The following BCL11A variants were observed in gnomAD, a reference collection of about 807,000 sequenced individuals.
BCL11A encodes the protein BCL11 transcription factor A, also known as B cell CLL/lymphoma 11A.
In BCL11A, 2 loss-of-function variants were observed where a neutral mutation model predicts 55.9. The observed-to-expected ratio is 0.04, with a 90% CI of 0.01 to 0.11. The LOEUF (loss-of-function observed/expected upper bound fraction) is 0.11, where lower values mean the gene tolerates loss of function less well. Ranked by LOEUF, BCL11A falls within the 10% of genes least tolerant of loss-of-function variation. The pLI, the probability that BCL11A is intolerant of heterozygous loss-of-function variation, is 1.00. For synonymous variants in BCL11A, 465 were observed against 473.4 expected, an observed-to-expected ratio of 0.98 and a Z score of 0.23; for missense variants, 817 against 1,137.1, an observed-to-expected ratio of 0.72 and a Z score of 4.05.
intron 1 of BCL11A, among the ~76,000 whole-genome samples, chr2:60,551,252 G>T (rs1264684886): frequency 6.6e-6 from 1 of 152,216 alleles, no homozygotes; most frequent in African/African-American, 2.4e-5. Context: ...CTTTCCAGGC[G>T]CAGTCAGCGG....
At chr2:60,451,697 A>G (rs141666757) in exon 5 of BCL11A, 1 of 230,632 alleles carries the variant, frequency 4.3e-6, no homozygotes, top group African/African-American at 2.2e-5. Flanking sequence ...AACTACTGAC[A>G]TTTATCACCT....
intron 2 of BCL11A, chr2:60,483,891 G>T (rs1358735381): frequency 1.1e-4 from 9 of 83,236 alleles, no homozygotes; most frequent in Non-Finnish European, 2.3e-4. Context: ...TTTCTTGGTT[G>T]CTTTTTTTTC....
At chr2:60,552,687 A>C (rs987760349) in intron 1 of BCL11A, among the ~76,000 whole-genome samples, 1 of 151,986 alleles carries the variant, frequency 6.6e-6, no homozygotes, top group African/African-American at 2.4e-5. Context: ...CTTGACCGTG[A>C]GCGCGCTGGT....
intron 2 of BCL11A, chr2:60,534,770 G>A (rs1573075237): frequency 2.6e-5 from 4 of 152,240 alleles, no homozygotes; most frequent in Admixed American, 2.0e-4. Context: ...GAGGAGGAGA[G>A]CCACTGAGGC....
At chr2:60,551,618 C>A (rs1376047771) in intron 1 of BCL11A, among the ~76,000 whole-genome samples, 1 of 152,202 alleles carries the variant, frequency 6.6e-6, no homozygotes, top group Non-Finnish European at 1.5e-5. Context: ...AGTTGCCCTG[C>A]AAAATAAAAA....
At chr2:60,452,332 C>A, downstream of BCL11A, 2 of 423,394 alleles carry the variant, frequency 4.7e-6, no homozygotes, top group East Asian at 3.8e-5. Flanking sequence ...CACGGGCCCT[C>A]TCTATGGGAC....
rs1676109147 is a variant in BCL11A at position 60,459,400 on chromosome 2, A to G, written c.*1004T>C. ...TTAATCATTGTTTAAAAAAAATAAA[A>G]CTTTGGGCAAAACAGCCCATTTCTT... On this transcript the variant is annotated 3_prime_UTR_variant, in exon 4 of 4. Coordinates refer to ENST00000642384, the MANE Select transcript of BCL11A (RefSeq NM_022893.4). 4 of 1,021,098 alleles carry G rather than the reference A, an allele frequency of 3.9e-6. No homozygotes were observed. The highest frequency in any genetic ancestry group is 4.7e-6 in the Non-Finnish European group (4 of 850,690). 63.3% of individuals were successfully genotyped at this position (1,021,098 alleles called of 1,614,324 possible).
intron 1 of BCL11A, among the ~76,000 whole-genome samples, chr2:60,548,663 T>C (rs574519254): frequency 6.6e-6 from 1 of 152,368 alleles, no homozygotes; most frequent in South Asian, 2.1e-4. Context: ...CGTAAATTAT[T>C]GCTAATTAAC....
chr2:60,541,933 AGAATCAGAATG>A (rs759583604), intron 2 of BCL11A: 18 of 702,922 alleles, frequency 2.6e-5, no homozygotes, highest in Non-Finnish European at 1.1e-5. Flanking sequence ...GAGCTAGGAG[AGAATCAGAATG>A]GATACAAAAA....
rs1670146501 is a variant in BCL11A, at chr2:60,546,228, T to C, written c.128A>G (p.His43Arg). ...HGPLGAPEGD[H>R]DLLTCGQCQM... The stretch of plus-strand genomic sequence containing the variant: ...GCACTGCCCACAGGTGAGGAGGTCA[T>C]GATCCCCTTCTGGAGCTCCCAACGG... The change falls in exon 2 of 4, where the codon CAT (histidine) becomes CGT (arginine). Residue 43 changes from histidine to arginine, a missense_variant. This residue lies in a region of BCL11A where 363 missense variants were observed against 486.6 expected (regional missense o/e 0.75). Transcript: ENST00000642384. The surrounding 1 kb of genome is among the most constrained non-coding windows in gnomAD (Gnocchi z 4.1). The C allele has an allele frequency of 6.2e-7, 1 of 1,614,122 alleles. No individual in the cohort carries two copies. The highest frequency in any genetic ancestry group is 1.7e-5 in the Admixed American group (1 of 60,008).
chr2:60,530,894 T>C (rs1381332845), intron 2 of BCL11A, among the ~76,000 whole-genome samples: 1 of 152,176 alleles, frequency 6.6e-6, no homozygotes, highest in Non-Finnish European at 1.5e-5. Flanking sequence ...ACATCGATTA[T>C]GTCTGCGCTT....
rs1677140141 is a variant in BCL11A at position 60,470,536 on chromosome 2, T to C, written c.386-1703A>G. On this transcript the variant is annotated intron_variant, in intron 2 of 3. Coordinates refer to ENST00000642384, the MANE Select transcript of BCL11A (RefSeq NM_022893.4). ...AGCATAAACGCAACAGGTACTTGGA[T>C]CCTTGTATGGGGAGTATCAAATTTC... is the stretch of plus-strand genomic sequence containing the variant. 2.0e-5 allele frequency among the ~76,000 whole-genome samples: 3 copies of C among 152,180 alleles called. No individual in the cohort carries two copies. The South Asian group carries it at 6.2e-4, about 32-fold the overall frequency.
At chr2:60,552,532 C>T (rs1006283796) in intron 1 of BCL11A, among the ~76,000 whole-genome samples, 8 of 152,196 alleles carry the variant, frequency 5.3e-5, no homozygotes, top group Non-Finnish European at 1.2e-4. Flanking sequence ...GTGCCGGCCG[C>T]GTCTCCCGTC....
rs962165899 is a variant in BCL11A, at chr2:60,458,440, A to C, written c.*1964T>G. On this transcript the variant is annotated 3_prime_UTR_variant, in exon 4 of 4. Transcript: ENST00000642384. The stretch of plus-strand genomic sequence containing the variant: ...GTGTTTTTTAAAAAAAATTTTTCTT[A>C]ACATTTATATTTAAAAAAGTTTTGT... 1.3e-5 allele frequency: 13 copies of C among 1,021,834 alleles called. No homozygotes were observed. The African/African-American group carries it at 2.2e-4, about 17-fold the overall frequency. 63.3% of individuals were successfully genotyped at this position (1,021,834 alleles called of 1,614,324 possible). A position where few individuals can be genotyped will look rare whatever the true frequency, so the allele number is the denominator to read the frequency against.
At chr2:60,467,651 A>T (rs373401703) in intron 3 of BCL11A, among the ~76,000 whole-genome samples, 6 of 25,118 alleles carry the variant, frequency 2.4e-4, no homozygotes, top group African/African-American at 2.9e-4. Flanking sequence ...GATGGTGGTG[A>T]TGATGGTGAT....
At chr2:60,524,322 C>T (rs1669116445) in intron 2 of BCL11A, among the ~76,000 whole-genome samples, 1 of 152,142 alleles carries the variant, frequency 6.6e-6, no homozygotes, top group Admixed American at 6.5e-5. Context: ...ATTTTGTCAC[C>T]TATCTCTGGC....
At chr2:60,541,608 T>C (rs560203073) in intron 2 of BCL11A, among the ~76,000 whole-genome samples, 1 of 152,366 alleles carries the variant, frequency 6.6e-6, no homozygotes, top group Non-Finnish European at 1.5e-5. Flanking sequence ...TTCATGAACA[T>C]TAGTCTTTGG....
At chr2:60,512,690 G>A (rs938608340) in intron 2 of BCL11A, among the ~76,000 whole-genome samples, 3 of 152,158 alleles carry the variant, frequency 2.0e-5, no homozygotes, top group Non-Finnish European at 4.4e-5. Flanking sequence ...ATTGGAGATG[G>A]TTTCAATAAT....
chr2:60,530,505 C>T lies in BCL11A; in HGVS notation c.385+15466G>A, dbSNP rs575230028. Among the ~76,000 whole-genome samples the T allele has an allele frequency of 2.0e-5, 3 of 151,832 alleles. No homozygotes were observed. The East Asian group carries it at 5.8e-4, about 29-fold the overall frequency. ...GCGTTATCACAACTTTTTTTCCCAACGGCAAGCCAGGAAAGATGATAGAAC... is the reference window on the plus strand; with the variant it reads ...GCGTTATCACAACTTTTTTTCCCAATGGCAAGCCAGGAAAGATGATAGAAC... On this transcript the variant is annotated intron_variant, in intron 2 of 3. Transcript: ENST00000642384.
Sources: allele counts gnomAD v4.1 joint callset (sites outside exome capture counted in the v4.1 genomes callset), GRCh38; gene constraint gnomAD v4.1.1; regional missense constraint gnomAD v4.1.1; non-coding constraint Gnocchi (gnomAD v3.1); transcripts MANE v1.5; gene names NCBI Gene and HGNC (gene_info 2026-07-23, HGNC 2026-07-21).